The following CPA3 variants were observed in gnomAD, a reference collection of about 807,000 sequenced individuals.
CPA3 encodes the protein carboxypeptidase A3, also known as mast cell carboxypeptidase A.
A neutral mutation model predicts 55.8 loss-of-function variants in CPA3; 52 were observed. That is an observed-to-expected ratio of 0.93 (90% CI 0.75 to 1.17). The LOEUF (loss-of-function observed/expected upper bound fraction) is 1.17. Ranked by LOEUF, CPA3 falls within the 50% of genes most tolerant of loss-of-function variation. CPA3 has a pLI of 0.00. For missense variants in CPA3, 547 were observed against 509.1 expected (o/e 1.07, Z -0.72); for synonymous variants, 179 against 171.2 (o/e 1.05, Z -0.36).
intron 5 of CPA3, 80 bp downstream of exon 5, chr3:148,878,828 G>T (rs759781055): frequency 1.2e-6 from 1 of 816,332 alleles, no homozygotes; most frequent in East Asian, 2.5e-5. Flanking sequence ...ACACAACTAA[G>T]CTAATTCTGA....
intron 7 of CPA3, 132 bp downstream of exon 7, chr3:148,881,764 A>G: frequency 2.1e-6 from 1 of 470,260 alleles, no homozygotes; most frequent in Non-Finnish European, 3.6e-6. Context: ...TTAAAATCTC[A>G]GTTTCAAATT....
intron 10 of CPA3, among the ~76,000 whole-genome samples, chr3:148,896,207 T>C (rs1392134453): frequency 6.6e-6 from 1 of 152,204 alleles, no homozygotes; most frequent in East Asian, 1.9e-4. Context: ...TTTCCTCAGC[T>C]GCTAGCACTT....
intron 7 of CPA3, 148 bp downstream of exon 7, chr3:148,881,780 T>A (rs1325173575): frequency 2.1e-6 from 1 of 471,574 alleles, no homozygotes; most frequent in East Asian, 3.4e-5. Context: ...AAATTAAGTA[T>A]GATTTCTTGG....
intron 10 of CPA3, among the ~76,000 whole-genome samples, chr3:148,895,134 C>T (rs1714789202): frequency 6.6e-6 from 1 of 152,156 alleles, no homozygotes; most frequent in Admixed American, 6.5e-5. Flanking sequence ...ACTAGAAGGC[C>T]TCCAAAAGAA....
At chr3:148,887,118 T>A (rs975782166) in intron 10 of CPA3, among the ~76,000 whole-genome samples, 2 of 151,508 alleles carry the variant, frequency 1.3e-5, no homozygotes, top group East Asian at 1.9e-4. Flanking sequence ...AAATCAGTAA[T>A]TTTTTTTTCT....
At chr3:148,883,561 G>C (rs775482919) in intron 8 of CPA3, 52 bp from the exon 9 acceptor site, 2 of 1,403,912 alleles carry the variant, frequency 1.4e-6, no homozygotes, top group Non-Finnish European at 2.0e-6. Context: ...AGAGGCAGGA[G>C]CTATATGGAT....
intron 3 of CPA3, among the ~76,000 whole-genome samples, chr3:148,870,985 G>A (rs960938187): frequency 3.9e-5 from 6 of 152,190 alleles, no homozygotes; most frequent in South Asian, 2.1e-4. Context: ...TGCAAGCTCC[G>A]CCTCCCGGGT....
chr3:148,888,313 A>C (rs1281679431), intron 10 of CPA3, among the ~76,000 whole-genome samples: 3 of 152,252 alleles, frequency 2.0e-5, no homozygotes, highest in Non-Finnish European at 2.9e-5. Flanking sequence ...TGACTAAAAA[A>C]TGGACAAGTC....
intron 3 of CPA3, among the ~76,000 whole-genome samples, chr3:148,873,873 G>A (rs1179728468): frequency 6.6e-6 from 1 of 152,094 alleles, no homozygotes; most frequent in Middle Eastern, 3.2e-3. Flanking sequence ...CATAAGAAAG[G>A]TTCAGTAAAC....
chr3:148,878,560 CT>C lies in CPA3; in HGVS notation c.372+18del, dbSNP rs1310280520. 6.3e-7 allele frequency: 1 copy of C among 1,587,520 alleles called. No individual in the cohort carries two copies. The highest frequency in any genetic ancestry group is 1.7e-5 in the Admixed American group (1 of 58,410). Reference sequence around the variant, plus strand: ...TGGGAAAAGGTACAGTAAAAAATGCCTGTACTTTTTTTTAAGTTACCCTTAA... The same window carrying C: ...TGGGAAAAGGTACAGTAAAAAATGCCGTACTTTTTTTTAAGTTACCCTTAA... On this transcript the variant is annotated intron_variant, in intron 4 of 10. Coordinates refer to ENST00000296046, the MANE Select transcript of CPA3 (RefSeq NM_001870.4).
At chr3:148,873,952 C>T (rs1284842971) in intron 3 of CPA3, among the ~76,000 whole-genome samples, 2 of 152,188 alleles carry the variant, frequency 1.3e-5, no homozygotes, top group Non-Finnish European at 2.9e-5. Context: ...TAGGAATTTT[C>T]TTAAACAAAT....
intron 3 of CPA3, among the ~76,000 whole-genome samples, chr3:148,871,293 C>T (rs1471886472): frequency 6.6e-6 from 1 of 152,164 alleles, no homozygotes; most frequent in Non-Finnish European, 1.5e-5. Flanking sequence ...CTAATTCTTA[C>T]AAAGCATTCA....
rs117886530 is a variant in CPA3, at chr3:148,880,856, A to G, written c.577-666A>G. On this transcript the variant is annotated intron_variant, in intron 6 of 10. Transcript: ENST00000296046. Reference sequence around the variant, plus strand: ...ACCTGTAGTTACTTTTGCTCTCCCAACTGAGGGCCAAGAGCTCCCCCTACT... The same window carrying G: ...ACCTGTAGTTACTTTTGCTCTCCCAGCTGAGGGCCAAGAGCTCCCCCTACT... 7.9e-5 allele frequency among the ~76,000 whole-genome samples: 12 copies of G among 152,226 alleles called. No homozygotes were observed. In the East Asian group the frequency reaches 1.7e-3, roughly 22 times the overall value.
At chr3:148,891,481 TACACAC>T (rs3046005) in intron 10 of CPA3, among the ~76,000 whole-genome samples, 3,285 of 146,578 alleles carry the variant, frequency 0.022, 100 homozygotes, top group African/African-American at 0.072. Context: ...CCCTGTCACA[TACACAC>T]ACACACACAC....
chr3:148,879,945 C>A, intron 6 of CPA3, 56 bp downstream of exon 6: 1 of 1,180,318 alleles, frequency 8.5e-7, no homozygotes, highest in South Asian at 1.3e-5. Flanking sequence ...TCCAGCACTT[C>A]ACTAAGTGGC....
At chr3:148,868,683 A>T (rs902352917) in intron 2 of CPA3, among the ~76,000 whole-genome samples, 11 of 126,054 alleles carry the variant, frequency 8.7e-5, no homozygotes, top group Non-Finnish European at 1.3e-4. Flanking sequence ...TGAAGTCCTT[A>T]AAAAAAAAAA....
At chr3:148,891,819 G>C (rs1243722582) in intron 10 of CPA3, among the ~76,000 whole-genome samples, 1 of 152,142 alleles carries the variant, frequency 6.6e-6, no homozygotes, top group Non-Finnish European at 1.5e-5. Flanking sequence ...ACTGCAACTA[G>C]GAACTGGCCA....
In CPA3 at chr3:148,878,737, T is replaced by C. The variant is rs1714280796; in HGVS notation, c.463T>C (p.Tyr155His). 6.3e-7 allele frequency: 1 copy of C among 1,580,676 alleles called. No individual in the cohort carries two copies. Among genetic ancestry groups the C allele is most frequent in the South Asian group, 1.1e-5 (1 of 88,438 alleles). ...ATCTACTGTTGAAGATAATCCACTA[T>C]ATGTTCTGAAGGTAAAAATAACTCA... The part of the protein sequence containing the change: ...IGSTVEDNPL[Y>H]VLKIGEKNER... Residue 155 changes from tyrosine (Y) to histidine (H), a missense_variant, in exon 5 of 11, where the codon TAT (tyrosine) becomes CAT (histidine). Tyr to His is a moderately conservative substitution (Grantham distance 83). Transcript: ENST00000296046.
At chr3:148,886,028 A>G in intron 9 of CPA3, 65 bp from the exon 10 acceptor site, 1 of 1,135,650 alleles carries the variant, frequency 8.8e-7, no homozygotes, top group Non-Finnish European at 1.3e-6. Context: ...TACATACATA[A>G]TTACATATTC....
Sources: gnomAD v4.1 joint callset for allele counts (sites outside exome capture counted in the v4.1 genomes callset) on GRCh38, gnomAD v4.1.1 for gene constraint, MANE v1.5 for transcripts, NCBI Gene and HGNC (gene_info 2026-07-23, HGNC 2026-07-21) for gene names.